Variants in AARS1 observed in about 807,000 individuals in gnomAD.
AARS1 encodes alanyl-tRNA synthetase 1.
In AARS1, 72 loss-of-function variants were observed where a neutral mutation model predicts 108.9. The observed-to-expected ratio is 0.66, with a 90% CI of 0.55 to 0.80. The LOEUF is 0.80. Among genes scored for constraint, AARS1 ranks in the 30% least tolerant of loss-of-function variants. The probability of loss-of-function intolerance (pLI) is 0.00; values close to 1 mark genes in which losing one functional copy is unlikely to be tolerated. For missense variants in AARS1, 1,193 were observed against 1,233.2 expected, an observed-to-expected ratio of 0.97 and a Z score of 0.49; for synonymous variants, 489 against 465.7, an observed-to-expected ratio of 1.05 and a Z score of -0.64.
At chr16:70,267,633 G>A in intron 9 of AARS1, 26 bp downstream of exon 9, 1 of 1,614,064 alleles carries the variant, frequency 6.2e-7, no homozygotes, top group Non-Finnish European at 8.5e-7. Flanking sequence ...CGGCCAGGAT[G>A]GAGAAGGGCA....
In AARS1 at chr16:70,265,740, G is replaced by A. The variant is rs1960246450; in HGVS notation, c.1223-78C>T. The A allele has an allele frequency of 3.8e-6, 6 of 1,583,308 alleles. No homozygotes were observed. The South Asian group carries it at 6.7e-5, about 18-fold the overall frequency. ...GCCAAGCCCTCCAAAAGGATGCTGG[G>A]ACTGGCAGAAGGAATTAAAGACACA... On this transcript the variant is annotated intron_variant, in intron 9 of 20. Transcript: ENST00000261772.
At chr16:70,256,372 T>C (rs1040171296) in intron 15 of AARS1, among the ~76,000 whole-genome samples, 8 of 152,162 alleles carry the variant, frequency 5.3e-5, no homozygotes, top group African/African-American at 1.4e-4. Flanking sequence ...TGGTGTGATC[T>C]TGGCTCACCA....
At chr16:70,263,018 C>T (rs1452661136) in intron 11 of AARS1, among the ~76,000 whole-genome samples, 5 of 128,140 alleles carry the variant, frequency 3.9e-5, no homozygotes, top group Non-Finnish European at 6.5e-5. Context: ...CAAAGGGCTT[C>T]GCATGCTGGC....
At chr16:70,280,826 TTTC>T (rs1960679570) in intron 2 of AARS1, among the ~76,000 whole-genome samples, 1 of 152,160 alleles carries the variant, frequency 6.6e-6, no homozygotes, top group Non-Finnish European at 1.5e-5. Context: ...CAAATGTCTT[TTTC>T]TTTTCTTTCC....
At chr16:70,283,802 C>T (rs1003608761) in intron 1 of AARS1, among the ~76,000 whole-genome samples, 2 of 152,192 alleles carry the variant, frequency 1.3e-5, no homozygotes, top group Non-Finnish European at 2.9e-5. Flanking sequence ...CGGCTGCCTT[C>T]CAGCCATTAG....
chr16:70,282,655 G>T lies in AARS1; in HGVS notation c.109C>A (p.Pro37Thr). 1 of 1,614,146 alleles carries T rather than the reference G, an allele frequency of 6.2e-7. No individual in the cohort carries two copies. The highest frequency in any genetic ancestry group is 8.5e-7 in the Non-Finnish European group (1 of 1,180,032). ...CCTGCATTGGCAAAGAGCAAAGTGG[G>T]GTCATCCAATGGGATGGTGGCAGAC... is the stretch of plus-strand genomic sequence containing the variant. The part of the protein sequence containing the change: ...HSSATIPLDD[P>T]TLLFANAGMN... Residue 37 changes from proline to threonine, a missense_variant, in exon 2 of 21, where the codon CCC becomes ACC. By Grantham distance (38) the Pro-to-Thr change is conservative. Transcript: ENST00000261772.
chr16:70,267,190 CT>C (rs1468744613), intron 9 of AARS1, among the ~76,000 whole-genome samples: 1 of 152,218 alleles, frequency 6.6e-6, no homozygotes, highest in East Asian at 1.9e-4. Context: ...ATTCATCAAG[CT>C]TTTCCCTTGT....
At chr16:70,257,049 A>G (rs576484233) in intron 15 of AARS1, among the ~76,000 whole-genome samples, 1 of 152,006 alleles carries the variant, frequency 6.6e-6, no homozygotes, top group Admixed American at 6.6e-5. Context: ...GAAGATGGAG[A>G]CCATCCTGGC....
Position 70,265,060 on chromosome 16 carries a change from T to C in AARS1, c.1390A>G (p.Met464Val), listed in dbSNP as rs763387711. 6.2e-7 allele frequency: 1 copy of C among 1,614,126 alleles called. No individual in the cohort carries two copies. Among genetic ancestry groups the C allele is most frequent in the Non-Finnish European group, 8.5e-7 (1 of 1,180,026 alleles). ...TCTTCGATAGCGTAAATGTCCAGCA[T>C]AATGAGGTCTTCCCCACCAGCTCCC... ...GKGAGGEDLI[M>V]LDIYAIEELR... Residue 464 changes from methionine to valine, a missense_variant, in exon 11 of 21, where the codon ATG becomes GTG. By Grantham distance (21) the Met-to-Val change is conservative. Coordinates refer to ENST00000261772, the MANE Select transcript of AARS1 (RefSeq NM_001605.3).
At position 70,268,287 on chromosome 16, in the gene AARS1, A is replaced by C. The variant is rs1597441040; in HGVS notation, c.1055T>G (p.Val352Gly). The change falls in exon 8 of 21, where the codon GTT becomes GGT. Residue 352 changes from valine to glycine, a missense_variant. Val to Gly is a moderately radical substitution (Grantham distance 109, BLOSUM62 -3). Transcript: ENST00000261772. ...TAAACCTACCAGGGACTGGACGACAACATCCACTAACGTAGCAAAGAAGCC... is the reference window on the plus strand; with the variant it reads ...TAAACCTACCAGGGACTGGACGACACCATCCACTAACGTAGCAAAGAAGCC... ...SRGFFATLVD[V>G]VVQSLGDAFP... The C allele has an allele frequency of 6.2e-7, 1 of 1,614,122 alleles. No homozygotes were observed. The highest frequency in any genetic ancestry group is 8.5e-7 in the Non-Finnish European group (1 of 1,179,944).
At chr16:70,271,646 C>A in intron 5 of AARS1, 135 bp downstream of exon 5, 2 of 899,662 alleles carry the variant, frequency 2.2e-6, no homozygotes. Flanking sequence ...TAGGCCCATC[C>A]TTGTTCCAGA....
rs535927929 is a variant in AARS1, at chr16:70,261,469, G to A, written c.1672-312C>T. 17 of 322,672 alleles carry A rather than the reference G, an allele frequency of 5.3e-5. No individual in the cohort carries two copies. In the East Asian group the frequency reaches 1.4e-3, roughly 27 times the overall value. 20.0% of individuals were successfully genotyped at this position (322,672 alleles called of 1,614,324 possible). On this transcript the variant is annotated intron_variant, in intron 12 of 20. Transcript: ENST00000261772. ...AAAAATTAGCCAGGCGTGAAGGCAA[G>A]TGCCTATAATTCCACCTACTCAGGA... is the stretch of plus-strand genomic sequence containing the variant.
intron 7 of AARS1, among the ~76,000 whole-genome samples, chr16:70,269,379 G>C (rs1353171346): frequency 8.0e-5 from 8 of 99,926 alleles, no homozygotes; most frequent in Non-Finnish European, 1.2e-4. Context: ...TCTACTAAAA[G>C]TACAAAAATT....
At chr16:70,266,109 C>T (rs183437902) in intron 9 of AARS1, among the ~76,000 whole-genome samples, 5 of 151,790 alleles carry the variant, frequency 3.3e-5, no homozygotes, top group Non-Finnish European at 7.4e-5. Context: ...GTCAGGAGAT[C>T]GAGACCATCT....
At chr16:70,257,804 T>C (rs1567602725) in intron 15 of AARS1, among the ~76,000 whole-genome samples, 1 of 152,174 alleles carries the variant, frequency 6.6e-6, no homozygotes, top group Non-Finnish European at 1.5e-5. Flanking sequence ...AATACAATGT[T>C]TTCCCCCTTT....
At chr16:70,253,107 A>G (rs1959883266) in intron 20 of AARS1, among the ~76,000 whole-genome samples, 161 bp downstream of exon 20, 1 of 152,228 alleles carries the variant, frequency 6.6e-6, no homozygotes. Context: ...CCAGGTATCA[A>G]CCAGATGTCT....
At chr16:70,287,743 AAAC>A (rs1412984728) in intron 1 of AARS1, among the ~76,000 whole-genome samples, 4 of 152,078 alleles carry the variant, frequency 2.6e-5, no homozygotes, top group Non-Finnish European at 5.9e-5. Context: ...ACCCTGACTC[AAAC>A]AACAACAAAC....
chr16:70,282,701 G>A lies in AARS1; in HGVS notation c.63C>T (p.Asn21=), dbSNP rs773045737. 6.2e-6 allele frequency: 10 copies of A among 1,613,984 alleles called. No individual in the cohort carries two copies. Among genetic ancestry groups the A allele is most frequent in the African/African-American group, 1.3e-5 (1 of 74,896 alleles). The change falls in exon 2 of 21, where the codon AAC becomes AAT. Residue 21 remains asparagine, a synonymous_variant. Coordinates refer to ENST00000261772, the MANE Select transcript of AARS1 (RefSeq NM_001605.3). ...CAGACGAGTGAACATACGTATGCTC[G>A]TTCCTCTTGAAGAAATCTATAAATC... ...RQRFIDFFKR[N]EHTYVHSSAT... is the part of the protein sequence containing the mutation.
chr16:70,271,047 G>GAGGCTGAGGCAGGAGAACTCAGC (rs1287819881), intron 5 of AARS1, among the ~76,000 whole-genome samples: 2 of 151,518 alleles, frequency 1.3e-5, no homozygotes, highest in African/African-American at 4.8e-5. Context: ...AGCTACTCAG[G>GAGGCTGAGGCAGGAGAACTCAGC]AGGCTGAGGC....
Sources: gnomAD v4.1 joint callset for allele counts (sites outside exome capture counted in the v4.1 genomes callset) on GRCh38, gnomAD v4.1.1 for gene constraint, MANE v1.5 for transcripts, NCBI Gene and HGNC (gene_info 2026-07-23, HGNC 2026-07-21) for gene names.